Variants in SLIT3 observed in about 807,000 individuals in gnomAD.
SLIT3 encodes the protein slit homolog 3 protein.
SLIT3 carries 68 observed loss-of-function variants against 184.0 expected under a neutral mutation model. That is an observed-to-expected ratio of 0.37 (90% confidence interval 0.30 to 0.45). SLIT3 has a LOEUF of 0.45. Among genes scored for constraint, SLIT3 ranks in the 20% least tolerant of loss-of-function variants. SLIT3 has a pLI of 1.00. For synonymous variants in SLIT3, 831 were observed against 828.6 expected, an observed-to-expected ratio of 1.00 and a Z score of -0.05; for missense variants, 1,707 against 2,026.0, an observed-to-expected ratio of 0.84 and a Z score of 3.02.
At chr5:168,765,972 A>C (rs1191183284) in intron 14 of SLIT3, among the ~76,000 whole-genome samples, 2 of 152,198 alleles carry the variant, frequency 1.3e-5, no homozygotes, top group Non-Finnish European at 2.9e-5. Context: ...CAATTTTATT[A>C]TACATCCCTG....
At chr5:169,222,358 G>A (rs943593628) in intron 3 of SLIT3, among the ~76,000 whole-genome samples, 3 of 152,112 alleles carry the variant, frequency 2.0e-5, no homozygotes, top group Admixed American at 6.5e-5. Context: ...CTTGGGGCAC[G>A]TAGAAGGAAA....
At chr5:168,807,208 T>C (rs1756999600) in intron 8 of SLIT3, among the ~76,000 whole-genome samples, 1 of 152,150 alleles carries the variant, frequency 6.6e-6, no homozygotes, top group Non-Finnish European at 1.5e-5. Context: ...TTAATTTTGT[T>C]TGAGGTGAGA....
intron 4 of SLIT3, among the ~76,000 whole-genome samples, chr5:169,051,208 T>C (rs775983521): frequency 4.0e-5 from 6 of 151,446 alleles, no homozygotes; most frequent in Non-Finnish European, 8.8e-5. Flanking sequence ...TCACGAAAAA[T>C]AGGAAGGAAA....
chr5:169,030,693 A>T (rs954262972), intron 4 of SLIT3, among the ~76,000 whole-genome samples: 3 of 152,254 alleles, frequency 2.0e-5, no homozygotes, highest in African/African-American at 7.2e-5. Context: ...AATACTGTAA[A>T]GTACTTCTAC....
chr5:169,269,034 T>C (rs1280741073), intron 1 of SLIT3, among the ~76,000 whole-genome samples: 1 of 152,204 alleles, frequency 6.6e-6, no homozygotes, highest in African/African-American at 2.4e-5. Flanking sequence ...ATCTTCAAAG[T>C]ATTATCCACG....
intron 6 of SLIT3, among the ~76,000 whole-genome samples, chr5:168,840,625 T>C (rs1258926242): frequency 2.0e-5 from 3 of 152,132 alleles, no homozygotes; most frequent in East Asian, 3.9e-4. Context: ...TCAACTGCAG[T>C]ATAAGCACGA....
At chr5:169,278,757 A>T (rs1469622494) in intron 1 of SLIT3, among the ~76,000 whole-genome samples, 1 of 152,114 alleles carries the variant, frequency 6.6e-6, no homozygotes, top group African/African-American at 2.4e-5. Flanking sequence ...GTTTCTTCAC[A>T]TGGGCTACCC....
At chr5:169,228,016 GT>G (rs1456606214) in intron 3 of SLIT3, among the ~76,000 whole-genome samples, 1 of 152,150 alleles carries the variant, frequency 6.6e-6, no homozygotes, top group Non-Finnish European at 1.5e-5. Context: ...AAGTGCCCAG[GT>G]TCCCAACGGA....
chr5:168,984,218 A>G (rs2113365611), intron 4 of SLIT3, among the ~76,000 whole-genome samples: 1 of 152,320 alleles, frequency 6.6e-6, no homozygotes, highest in African/African-American at 2.4e-5. Context: ...AGGAGGAAGG[A>G]AAAGCAAATC....
chr5:169,179,133 A>G (rs1421915251), intron 4 of SLIT3, among the ~76,000 whole-genome samples: 1 of 152,192 alleles, frequency 6.6e-6, no homozygotes, highest in Non-Finnish European at 1.5e-5. Context: ...CAATTATTTT[A>G]GAAGATATGG....
At chr5:169,158,276 A>G (rs1762372951) in intron 4 of SLIT3, among the ~76,000 whole-genome samples, 2 of 152,230 alleles carry the variant, frequency 1.3e-5, no homozygotes, top group Admixed American at 6.5e-5. Flanking sequence ...AAATGACTGC[A>G]TATTTCTCAT....
At chr5:169,245,348 G>A (rs145778021) in intron 2 of SLIT3, among the ~76,000 whole-genome samples, 14 of 152,008 alleles carry the variant, frequency 9.2e-5, no homozygotes, top group Admixed American at 4.6e-4. Context: ...TCACTCACCC[G>A]CCTCAGTCCT....
intron 4 of SLIT3, among the ~76,000 whole-genome samples, chr5:168,975,122 C>T (rs1389315033): frequency 6.6e-6 from 1 of 152,172 alleles, no homozygotes; most frequent in Non-Finnish European, 1.5e-5. Flanking sequence ...AAAGGGACTT[C>T]CTGGACATGG....
chr5:168,822,832 A>C (rs1757576889), intron 7 of SLIT3, among the ~76,000 whole-genome samples: 1 of 152,224 alleles, frequency 6.6e-6, no homozygotes. Context: ...GTCATTCCTC[A>C]GGGGAAAACC....
intron 1 of SLIT3, among the ~76,000 whole-genome samples, chr5:169,269,741 G>A (rs576505323): frequency 6.6e-6 from 1 of 152,330 alleles, no homozygotes; most frequent in East Asian, 1.9e-4. Context: ...GAGGGAGAAG[G>A]GCCCAACTGC....
intron 4 of SLIT3, among the ~76,000 whole-genome samples, chr5:169,097,567 G>A (rs1484065009): frequency 6.6e-6 from 1 of 152,172 alleles, no homozygotes; most frequent in African/African-American, 2.4e-5. Flanking sequence ...GGACAGTTTG[G>A]AGAACTGTTA....
chr5:168,977,725 T>C (rs887165694), intron 4 of SLIT3, among the ~76,000 whole-genome samples: 1 of 152,132 alleles, frequency 6.6e-6, no homozygotes, highest in Admixed American at 6.5e-5. Context: ...CCCCACCCCA[T>C]AGTCTTTCAA....
At chr5:168,900,546 C>T (rs554123116) in intron 4 of SLIT3, among the ~76,000 whole-genome samples, 26 of 152,174 alleles carry the variant, frequency 1.7e-4, no homozygotes, top group East Asian at 1.4e-3. Context: ...ACCTGGGAGG[C>T]GGAGGTTGCA....
chr5:169,091,094 C>T (rs1184589527), intron 4 of SLIT3, among the ~76,000 whole-genome samples: 5 of 152,198 alleles, frequency 3.3e-5, no homozygotes, highest in Admixed American at 2.0e-4. Context: ...TAGTTCTCAA[C>T]ATTGTGACGG....
Sources: allele counts gnomAD v4.1 joint callset (sites outside exome capture counted in the v4.1 genomes callset), GRCh38; gene constraint gnomAD v4.1.1; transcripts MANE v1.5; gene names NCBI Gene and HGNC (gene_info 2026-07-23, HGNC 2026-07-21).